PRPF3: variants seen among roughly 807,000 people sequenced by gnomAD.
PRPF3 encodes U4/U6 small nuclear ribonucleoprotein Prp3.
In PRPF3, 3 loss-of-function variants were observed where a neutral mutation model predicts 89.2. The ratio of observed to expected loss-of-function variants is 0.03; its 90% CI spans 0.02 to 0.09. PRPF3 has a LOEUF of 0.09. PRPF3 is among the 10% of genes least tolerant of loss of function. The probability of loss-of-function intolerance (pLI) is 1.00; values close to 1 mark genes in which losing one functional copy is unlikely to be tolerated. For synonymous variants in PRPF3, 270 were observed against 289.1 expected (o/e 0.93, Z 0.67); for missense variants, 463 against 828.8 (o/e 0.56, Z 5.42).
chr1:150,346,160 G>T (rs1553872893), intron 13 of PRPF3, 24 bp downstream of exon 13: 1 of 1,591,986 alleles, frequency 6.3e-7, no homozygotes, highest in Non-Finnish European at 8.6e-7. Context: ...ACTTGAGGGA[G>T]ACTGTCCCCA....
chr1:150,332,529 C>A (rs181568511), intron 4 of PRPF3, among the ~76,000 whole-genome samples, 155 bp from the exon 5 acceptor site: 2,038 of 152,304 alleles, frequency 0.013, 20 homozygotes, highest in Non-Finnish European at 0.022. Context: ...CTTATCTTGA[C>A]TAAATTTTTT....
intron 9 of PRPF3, among the ~76,000 whole-genome samples, chr1:150,342,505 T>C (rs989828438): frequency 1.3e-5 from 2 of 150,834 alleles, no homozygotes; most frequent in Non-Finnish European, 3.0e-5. Flanking sequence ...TTAAAGTTTA[T>C]ACACACACAC....
At chr1:150,331,242 T>G (rs1656337554) in intron 4 of PRPF3, among the ~76,000 whole-genome samples, 1 of 152,086 alleles carries the variant, frequency 6.6e-6, no homozygotes, top group Admixed American at 6.5e-5. Context: ...TTTCACCCTG[T>G]TAGCCAGGAT....
intron 7 of PRPF3, among the ~76,000 whole-genome samples, chr1:150,336,771 A>T (rs587635654): frequency 6.6e-6 from 1 of 151,278 alleles, no homozygotes; most frequent in South Asian, 2.1e-4. Flanking sequence ...ATATATATAT[A>T]TATTTATTAA....
At position 150,352,949 on chromosome 1, in the gene PRPF3, G is replaced by A. The variant is rs782246457; in HGVS notation, c.2022G>A (p.Leu674=). The change falls in exon 16 of 16, where the codon CTG becomes CTA. Residue 674 remains leucine (L), a synonymous_variant. Transcript: ENST00000324862. The part of the protein sequence containing the change: ...HGAEHYWDLA[L]SESVLESTD ...CTGAACACTACTGGGACCTTGCGCT[G>A]AGTGAATCTGTGTTAGAGTCCACTG... 6.2e-7 allele frequency: 1 copy of A among 1,614,004 alleles called. No individual in the cohort carries two copies. The highest frequency in any genetic ancestry group is 1.3e-5 in the African/African-American group (1 of 74,914).
chr1:150,337,389 G>C (rs1012138497), intron 7 of PRPF3, among the ~76,000 whole-genome samples: 1 of 152,092 alleles, frequency 6.6e-6, no homozygotes, highest in African/African-American at 2.4e-5. Flanking sequence ...GTGGAGTGCA[G>C]GGAGGGGTTG....
chr1:150,339,852 T>C (rs587753660), intron 8 of PRPF3, among the ~76,000 whole-genome samples: 71 of 150,416 alleles, frequency 4.7e-4, no homozygotes, highest in Admixed American at 4.3e-3. Context: ...GCCTCATAAG[T>C]ATCCGGGACT....
At chr1:150,333,859 A>T (rs1656688715) in intron 6 of PRPF3, among the ~76,000 whole-genome samples, 1 of 151,892 alleles carries the variant, frequency 6.6e-6, no homozygotes, top group Non-Finnish European at 1.5e-5. Context: ...AAGATGTTAC[A>T]TTTTTTTTAG....
chr1:150,338,241 A>G lies in PRPF3; in HGVS notation c.1117A>G (p.Ile373Val), dbSNP rs1340846346. ...CCATACTTCGACTAGGCTTGCCCTCATTGCTCCTAAGAAGGAGCTAAAGGA... is the reference window on the plus strand; with the variant it reads ...CCATACTTCGACTAGGCTTGCCCTCGTTGCTCCTAAGAAGGAGCTAAAGGA... ...GIHTSTRLALIAPKKELKEGD... is the reference protein window; with the variant it reads ...GIHTSTRLALVAPKKELKEGD... The change falls in exon 8 of 16, where the codon ATT (isoleucine) becomes GTT (valine). Residue 373 changes from isoleucine to valine, a missense_variant. By Grantham distance (29) the Ile-to-Val change is conservative. Coordinates refer to ENST00000324862, the MANE Select transcript of PRPF3 (RefSeq NM_004698.4). 6.2e-6 allele frequency: 10 copies of G among 1,613,914 alleles called. No individual in the cohort carries two copies. The highest frequency in any genetic ancestry group is 8.5e-6 in the Non-Finnish European group (10 of 1,179,930).
At chr1:150,328,221 C>G in intron 3 of PRPF3, 99 bp from the exon 4 acceptor site, 1 of 1,468,156 alleles carries the variant, frequency 6.8e-7, no homozygotes, top group East Asian at 2.3e-5. Flanking sequence ...GTCATATTCC[C>G]CTGGGAATAG....
intron 3 of PRPF3, among the ~76,000 whole-genome samples, chr1:150,326,689 A>G (rs1655754512): frequency 6.6e-6 from 1 of 151,950 alleles, no homozygotes; most frequent in African/African-American, 2.4e-5. Flanking sequence ...GAACTAAAAA[A>G]AAAAGCAGAG....
chr1:150,331,626 A>G (rs914870522), intron 4 of PRPF3, among the ~76,000 whole-genome samples: 5 of 152,004 alleles, frequency 3.3e-5, no homozygotes, highest in African/African-American at 1.2e-4. Context: ...CAGCCTCTCA[A>G]AGTGCTGGGA....
rs1274645602 is a variant in PRPF3, at chr1:150,342,669, C to T, written c.1283-640C>T. Among the ~76,000 whole-genome samples, 7 of 151,902 alleles carry T rather than the reference C, an allele frequency of 4.6e-5. No homozygotes were observed. In the South Asian group the frequency reaches 8.3e-4, roughly 18 times the overall value. On this transcript the variant is annotated intron_variant, in intron 9 of 15. Coordinates refer to ENST00000324862, the MANE Select transcript of PRPF3 (RefSeq NM_004698.4). Reference sequence around the variant, plus strand: ...TCCCGAGTAGCTGGGACTACAGGTGCGTGCCACCACGCCCAGCTAATTTTT... The same window carrying T: ...TCCCGAGTAGCTGGGACTACAGGTGTGTGCCACCACGCCCAGCTAATTTTT...
intron 14 of PRPF3, among the ~76,000 whole-genome samples, chr1:150,347,245 G>GAT (rs35619920): frequency 0.29 from 43,218 of 149,450 alleles, 7,870 homozygotes; most frequent in African/African-American, 0.52. Context: ...TCTTTTGTCT[G>GAT]ATATATATAT....
In PRPF3 at chr1:150,343,294, ATC is replaced by A; in HGVS notation, c.1283-11_1283-10del. The A allele has an allele frequency of 6.2e-7, 1 of 1,601,346 alleles. No individual in the cohort carries two copies. The highest frequency in any genetic ancestry group is 1.1e-5 in the South Asian group (1 of 90,740). On this transcript the variant is annotated splice_polypyrimidine_tract_variant and intron_variant, in intron 9 of 15. Coordinates refer to ENST00000324862, the MANE Select transcript of PRPF3 (RefSeq NM_004698.4). ...ATTCTTACTGCTTTGGTATACTAAT[ATC>A]TCTGCCTGACAGTTGACAATGACAC...
chr1:150,342,808 A>G (rs1482372433), intron 9 of PRPF3, among the ~76,000 whole-genome samples: 1 of 152,112 alleles, frequency 6.6e-6, no homozygotes, highest in Admixed American at 6.5e-5. Flanking sequence ...GGTGTGATCC[A>G]CCGCACCTGG....
chr1:150,340,647 A>G (rs1292787738), intron 9 of PRPF3, among the ~76,000 whole-genome samples, 170 bp downstream of exon 9: 2 of 152,180 alleles, frequency 1.3e-5, no homozygotes, highest in Non-Finnish European at 2.9e-5. Context: ...TTGTTTGACC[A>G]GTGAACATAC....
chr1:150,328,404 G>C lies in PRPF3; in HGVS notation c.361G>C (p.Glu121Gln), dbSNP rs782658343. Reference protein sequence around the residue: ...RRIPRFEEVEEEPEVIPGPPS... With the variant: ...RRIPRFEEVEQEPEVIPGPPS... ...AATACCCCGTTTTGAGGAGGTGGAA[G>C]AAGAGCCAGAGGTGATCCCTGGGCC... The change falls in exon 4 of 16, where the codon GAA becomes CAA. Residue 121 changes from glutamate to glutamine, a missense_variant. Glu to Gln is a conservative substitution (Grantham distance 29, BLOSUM62 2). This residue lies in a region of PRPF3 where 28 missense variants were observed against 48.1 expected (regional missense o/e 0.58). Coordinates refer to ENST00000324862, the MANE Select transcript of PRPF3 (RefSeq NM_004698.4). The C allele has an allele frequency of 5.0e-6, 8 of 1,614,110 alleles. No individual in the cohort carries two copies. Among genetic ancestry groups the C allele is most frequent in the Non-Finnish European group, 6.8e-6 (8 of 1,180,030 alleles).
chr1:150,323,679 A>T (rs587654883), intron 1 of PRPF3, among the ~76,000 whole-genome samples: 2 of 151,930 alleles, frequency 1.3e-5, no homozygotes, highest in Non-Finnish European at 2.9e-5. Context: ...AGGATCATCA[A>T]GTCAGCTGAT....
Sources: allele counts gnomAD v4.1 joint callset (sites outside exome capture counted in the v4.1 genomes callset), GRCh38; gene constraint gnomAD v4.1.1; regional missense constraint gnomAD v4.1.1; transcripts MANE v1.5; gene names NCBI Gene and HGNC (gene_info 2026-07-23, HGNC 2026-07-21).